Variants in KCNN3 observed in about 807,000 individuals in gnomAD.
The protein encoded by KCNN3 is small conductance calcium-activated potassium channel protein 3.
In KCNN3, 16 loss-of-function variants were observed where a neutral mutation model predicts 62.9. That is an observed-to-expected ratio of 0.25 (90% confidence interval 0.17 to 0.39). KCNN3 has a LOEUF of 0.39. Ranked by LOEUF, KCNN3 falls within the 10% of genes least tolerant of loss-of-function variation. KCNN3 has a pLI of 1.00. For synonymous variants in KCNN3, 370 were observed against 389.2 expected, an observed-to-expected ratio of 0.95 and a Z score of 0.58; for missense variants, 599 against 949.4, an observed-to-expected ratio of 0.63 and a Z score of 4.85.
chr1:154,777,979 C>T (rs1001243166), intron 2 of KCNN3, among the ~76,000 whole-genome samples: 2 of 152,192 alleles, frequency 1.3e-5, no homozygotes, highest in Non-Finnish European at 2.9e-5. Context: ...ACTCTTTCTG[C>T]CTCCTAAGCC....
At chr1:154,711,878 C>CAGAGAGGGAGAGAAAGAGAGGAAG (rs1157911860) in intron 7 of KCNN3, among the ~76,000 whole-genome samples, 6 of 150,708 alleles carry the variant, frequency 4.0e-5, no homozygotes, top group Admixed American at 2.6e-4. Context: ...GGACAGGAGG[C>CAGAGAGGGAGAGAAAGAGAGGAAG]AGAGAGGGAG....
chr1:154,805,364 C>CTGAGAAAT (rs1553235547), intron 2 of KCNN3, among the ~76,000 whole-genome samples: 99 of 152,310 alleles, frequency 6.5e-4, no homozygotes, highest in Admixed American at 1.8e-3. Context: ...AATGCCTCCC[C>CTGAGAAAT]TGAGCAATTG....
At chr1:154,714,580 GGTGTGTA>G (rs1700188660) in intron 6 of KCNN3, among the ~76,000 whole-genome samples, 1 of 86,810 alleles carries the variant, frequency 1.2e-5, no homozygotes, top group Non-Finnish European at 2.3e-5. Context: ...GTGTGTGTGT[GGTGTGTA>G]TGGTGTGTGT....
chr1:154,746,289 G>A (rs545372050), intron 3 of KCNN3, among the ~76,000 whole-genome samples: 5 of 152,170 alleles, frequency 3.3e-5, no homozygotes, highest in African/African-American at 7.2e-5. Context: ...GGGCCACTGC[G>A]CAGGGGACAC....
At chr1:154,859,080 C>T (rs1004193635) in intron 1 of KCNN3, among the ~76,000 whole-genome samples, 2 of 152,206 alleles carry the variant, frequency 1.3e-5, no homozygotes, top group Admixed American at 6.5e-5. Context: ...CCTCCAAAGG[C>T]GGTGGCTCAA....
intron 2 of KCNN3, among the ~76,000 whole-genome samples, chr1:154,790,060 T>C (rs1312273428): frequency 2.0e-5 from 3 of 152,166 alleles, no homozygotes; most frequent in Non-Finnish European, 4.4e-5. Context: ...AGGCATGCAC[T>C]ACAATGCCCA....
At chr1:154,803,176 C>T (rs1650030128) in intron 2 of KCNN3, among the ~76,000 whole-genome samples, 1 of 152,152 alleles carries the variant, frequency 6.6e-6, no homozygotes, top group Non-Finnish European at 1.5e-5. Context: ...AGCCTGAGGG[C>T]CCTCCTTCCC....
At chr1:154,867,237 G>A (rs994045371) in intron 1 of KCNN3, among the ~76,000 whole-genome samples, 1 of 152,210 alleles carries the variant, frequency 6.6e-6, no homozygotes, top group South Asian at 2.1e-4. Context: ...CCCAGCAGGA[G>A]AGGCGGTTCT....
chr1:154,803,316 G>A (rs201846178), intron 2 of KCNN3, among the ~76,000 whole-genome samples: 2 of 152,202 alleles, frequency 1.3e-5, no homozygotes, highest in East Asian at 3.8e-4. Context: ...TTTGCCACAA[G>A]CAACACTGGG....
chr1:154,714,940 G>C lies in KCNN3; in HGVS notation c.1765C>G (p.Leu589Val). 1 of 1,613,716 alleles carries C rather than the reference G, an allele frequency of 6.2e-7. No homozygotes were observed. Among genetic ancestry groups the C allele is most frequent in the Non-Finnish European group, 8.5e-7 (1 of 1,179,742 alleles). Residue 589 changes from leucine to valine, a missense_variant, in exon 6 of 8, where the codon CTA becomes GTA. By Grantham distance (32) the Leu-to-Val change is conservative (BLOSUM62 1). Around this residue, in one of 7 missense-constraint regions of KCNN3, gnomAD observed 288 missense variants for 557.4 expected, o/e 0.52. Transcript: ENST00000271915. ...ACTTTGGCATGGTCAATCTTCTTTAGCAGCTTTGTGTGTTTATAGATTAAC... is the reference window on the plus strand; with the variant it reads ...ACTTTGGCATGGTCAATCTTCTTTACCAGCTTTGTGTGTTTATAGATTAAC... ...TWLIYKHTKL[L>V]KKIDHAKVRK...
intron 3 of KCNN3, among the ~76,000 whole-genome samples, chr1:154,761,649 G>T (rs1648019128): frequency 6.6e-6 from 1 of 151,048 alleles, no homozygotes; most frequent in Admixed American, 6.6e-5. Context: ...TCAAAAGATT[G>T]ATTTTTAGGC....
At chr1:154,824,095 C>A (rs1192313329) in intron 1 of KCNN3, among the ~76,000 whole-genome samples, 1 of 152,202 alleles carries the variant, frequency 6.6e-6, no homozygotes, top group East Asian at 1.9e-4. Context: ...TGCTAGATAT[C>A]CAACAGTGTG....
chr1:154,788,000 T>C (rs923804058), intron 2 of KCNN3, among the ~76,000 whole-genome samples: 3 of 151,986 alleles, frequency 2.0e-5, no homozygotes, highest in Non-Finnish European at 2.9e-5. Flanking sequence ...GGGTCTTAGA[T>C]TGGGTCAGGA....
rs765831649 is a variant in KCNN3, at chr1:154,708,279, G to GGA, written c.1900-9_1900-8dup. 3.1e-6 allele frequency: 5 copies of GGA among 1,613,002 alleles called. No individual in the cohort carries two copies. The South Asian group carries it at 5.5e-5, about 18-fold the overall frequency. On this transcript the variant is annotated splice_polypyrimidine_tract_variant and splice_region_variant and intron_variant, in intron 7 of 7. Coordinates refer to ENST00000271915, the MANE Select transcript of KCNN3 (RefSeq NM_002249.6). ...CATACATGACATTCTGCATCTGTGT[G>GGA]GAGAGAGAGAGGCGAGAGACAGGGA...
rs577368636 is a variant in KCNN3, at chr1:154,855,419, C to A, written c.933+13613G>T. On this transcript the variant is annotated intron_variant, in intron 1 of 7. Transcript: ENST00000271915. ...TGACTCACCCACAGCAACCTCCAGT[C>A]CTGCAAGCTCCATTCATGGTAAGTG... Among the ~76,000 whole-genome samples the A allele has an allele frequency of 1.1e-3, 165 of 152,288 alleles. 1 individual carries two copies. Among genetic ancestry groups the A allele is most frequent in the African/African-American group, 3.8e-3 (159 of 41,542 alleles).
intron 3 of KCNN3, among the ~76,000 whole-genome samples, chr1:154,768,900 ACT>A (rs1276346941): frequency 1.3e-5 from 2 of 152,030 alleles, no homozygotes; most frequent in Non-Finnish European, 2.9e-5. Context: ...TGGCCTTAAG[ACT>A]CTGAGATTGG....
At chr1:154,748,030 A>G (rs775948134) in intron 3 of KCNN3, among the ~76,000 whole-genome samples, 6 of 150,978 alleles carry the variant, frequency 4.0e-5, no homozygotes, top group Non-Finnish European at 8.9e-5. Context: ...GGCCATCTCC[A>G]CCCCCAGCAC....
At chr1:154,830,045 G>C (rs1337985519) in intron 1 of KCNN3, among the ~76,000 whole-genome samples, 1 of 152,184 alleles carries the variant, frequency 6.6e-6, no homozygotes, top group Non-Finnish European at 1.5e-5. Flanking sequence ...CTGGCACATA[G>C]TAAGTCAATA....
intron 1 of KCNN3, among the ~76,000 whole-genome samples, chr1:154,843,890 G>A (rs542040831): frequency 2.6e-5 from 4 of 152,228 alleles, no homozygotes; most frequent in South Asian, 2.1e-4. Context: ...ATGGAGGGGC[G>A]GCTGTGAGAT....
Sources: allele counts gnomAD v4.1 joint callset (sites outside exome capture counted in the v4.1 genomes callset), GRCh38; gene constraint gnomAD v4.1.1; regional missense constraint gnomAD v4.1.1; transcripts MANE v1.5; gene names NCBI Gene and HGNC (gene_info 2026-07-23, HGNC 2026-07-21).